Variants in KLF12 observed in about 807,000 individuals in gnomAD.
KLF12 encodes the protein Krueppel-like factor 12.
A neutral mutation model predicts 37.8 loss-of-function variants in KLF12; 9 were observed. The observed-to-expected ratio is 0.24, with a 90% CI of 0.14 to 0.42. KLF12 has a LOEUF of 0.42. KLF12 is among the 10% of genes least tolerant of loss of function. The pLI, the probability that KLF12 is intolerant of heterozygous loss-of-function variation, is 1.00. For missense variants in KLF12, 411 were observed against 516.0 expected (o/e 0.80, Z 1.97); for synonymous variants, 208 against 202.1 (o/e 1.03, Z -0.25).
At chr13:74,289,980 A>G in the KLF12 span, among the ~76,000 whole-genome samples, 1 of 152,192 alleles carries the variant, frequency 6.6e-6, no homozygotes, top group Non-Finnish European at 1.5e-5. Context: ...CCTATATTAT[A>G]TAACAGTAAC....
chr13:74,141,181 T>C, the KLF12 span, among the ~76,000 whole-genome samples: 1 of 152,160 alleles, frequency 6.6e-6, no homozygotes, highest in Non-Finnish European at 1.5e-5. Flanking sequence ...AAATTCAGAC[T>C]CTTAGAATTC....
At chr13:73,747,396 G>C (rs1296552402) in intron 6 of KLF12, among the ~76,000 whole-genome samples, 2 of 152,162 alleles carry the variant, frequency 1.3e-5, no homozygotes, top group Non-Finnish European at 2.9e-5. Context: ...ACATTTAAAG[G>C]GTAGGTAAAG....
the KLF12 span, among the ~76,000 whole-genome samples, chr13:74,156,523 G>A: frequency 1.3e-5 from 2 of 152,064 alleles, no homozygotes; most frequent in Admixed American, 1.3e-4. Flanking sequence ...ACACATTATT[G>A]ACTACAGCCA....
chr13:74,298,895 C>T, the KLF12 span, among the ~76,000 whole-genome samples: 2 of 152,222 alleles, frequency 1.3e-5, no homozygotes, highest in East Asian at 1.9e-4. Flanking sequence ...GCTCAAACAG[C>T]GTTGTGAGAA....
chr13:73,909,840 T>C (rs1457278877), intron 3 of KLF12, among the ~76,000 whole-genome samples: 3 of 152,254 alleles, frequency 2.0e-5, no homozygotes, highest in African/African-American at 7.2e-5. Flanking sequence ...GAAACATCTT[T>C]AAATTCTTTG....
At chr13:73,887,725 C>CAA (rs58598658) in intron 3 of KLF12, among the ~76,000 whole-genome samples, 25 of 151,738 alleles carry the variant, frequency 1.6e-4, no homozygotes, top group East Asian at 7.8e-4. Context: ...CATGGTTTTA[C>CAA]AAAAAAAACA....
At chr13:74,023,362 A>T (rs1480751036) in intron 1 of KLF12, among the ~76,000 whole-genome samples, 1 of 152,218 alleles carries the variant, frequency 6.6e-6, no homozygotes, top group Non-Finnish European at 1.5e-5. Context: ...ACTTATTGGC[A>T]GGTGTATTAG....
chr13:74,222,650 A>G, the KLF12 span, among the ~76,000 whole-genome samples: 3 of 152,234 alleles, frequency 2.0e-5, no homozygotes, highest in Non-Finnish European at 2.9e-5. Flanking sequence ...ATAGAATTTT[A>G]ATTATAAGTG....
At chr13:74,134,276 C>T (rs1026524053), upstream of KLF12, among the ~76,000 whole-genome samples, 4 of 152,022 alleles carry the variant, frequency 2.6e-5, no homozygotes, top group Non-Finnish European at 1.5e-5. Flanking sequence ...CGGCGAGCCC[C>T]GGGGTGGGGC....
chr13:73,996,137 T>G (rs1892112367), intron 1 of KLF12, among the ~76,000 whole-genome samples: 1 of 152,202 alleles, frequency 6.6e-6, no homozygotes, highest in African/African-American at 2.4e-5. Context: ...TTAATTTTAT[T>G]CCAGTTTTAA....
At chr13:74,023,156 C>A (rs1030891180) in intron 1 of KLF12, among the ~76,000 whole-genome samples, 4 of 152,154 alleles carry the variant, frequency 2.6e-5, no homozygotes. Context: ...CAGATTAGAA[C>A]CTCTGGGGAT....
At chr13:73,726,582 C>T (rs1197783178) in intron 6 of KLF12, among the ~76,000 whole-genome samples, 1 of 152,206 alleles carries the variant, frequency 6.6e-6, no homozygotes, top group Non-Finnish European at 1.5e-5. Context: ...CATCAGGGCT[C>T]ATCCACATTG....
intron 3 of KLF12, among the ~76,000 whole-genome samples, chr13:73,942,051 A>G (rs1890211654): frequency 6.6e-6 from 1 of 152,222 alleles, no homozygotes; most frequent in Non-Finnish European, 1.5e-5. Flanking sequence ...TCTTATTCAC[A>G]CTGCAAAACT....
chr13:73,714,205 G>C (rs1875617415), intron 7 of KLF12, among the ~76,000 whole-genome samples: 1 of 152,156 alleles, frequency 6.6e-6, no homozygotes, highest in African/African-American at 2.4e-5. Flanking sequence ...AACTCTGAAA[G>C]GCCAAGGTGG....
intron 1 of KLF12, among the ~76,000 whole-genome samples, chr13:74,054,709 C>A (rs945731322): frequency 6.6e-6 from 1 of 152,182 alleles, no homozygotes; most frequent in Non-Finnish European, 1.5e-5. Flanking sequence ...GGTTCCTATA[C>A]ATTTTGCTAA....
At chr13:73,966,981 T>C (rs1431650826) in intron 2 of KLF12, among the ~76,000 whole-genome samples, 1 of 152,196 alleles carries the variant, frequency 6.6e-6, no homozygotes, top group African/African-American at 2.4e-5. Flanking sequence ...AAAAATCTTA[T>C]AAATAGTAAC....
intron 6 of KLF12, among the ~76,000 whole-genome samples, chr13:73,750,459 C>T (rs182128783): frequency 6.6e-6 from 1 of 152,122 alleles, no homozygotes; most frequent in Non-Finnish European, 1.5e-5. Flanking sequence ...AGCCTTCATA[C>T]TGGAGGGCCT....
intron 5 of KLF12, among the ~76,000 whole-genome samples, chr13:73,809,368 C>CA (rs1882811103): frequency 6.6e-6 from 1 of 151,390 alleles, no homozygotes; most frequent in East Asian, 1.9e-4. Context: ...TACGGAAAGA[C>CA]AAACAGAAAA....
the KLF12 span, among the ~76,000 whole-genome samples, chr13:74,208,218 C>T: frequency 1.3e-5 from 2 of 152,148 alleles, no homozygotes; most frequent in Non-Finnish European, 2.9e-5. Context: ...TAGAATCAAA[C>T]ACATTGAAGA....
Sources: allele counts gnomAD v4.1 joint callset (sites outside exome capture counted in the v4.1 genomes callset), GRCh38; gene constraint gnomAD v4.1.1; transcripts MANE v1.5; gene names NCBI Gene and HGNC (gene_info 2026-07-23, HGNC 2026-07-21).